Variants in MGAT4C observed in about 807,000 individuals in gnomAD.
MGAT4C encodes the protein MGAT4 family member C.
A neutral mutation model predicts 40.1 loss-of-function variants in MGAT4C; 19 were observed. The ratio of observed to expected loss-of-function variants is 0.47; its 90% CI spans 0.33 to 0.70. The LOEUF (loss-of-function observed/expected upper bound fraction) is 0.70, where lower values mean the gene tolerates loss of function less well. Among genes scored for constraint, MGAT4C ranks in the 30% least tolerant of loss-of-function variants. The pLI, the probability that MGAT4C is intolerant of heterozygous loss-of-function variation, is 0.02. For synonymous variants in MGAT4C, 181 were observed against 187.1 expected (o/e 0.97, Z 0.27); for missense variants, 491 against 563.2 (o/e 0.87, Z 1.30).
In MGAT4C at chr12:85,959,058, A is replaced by G. The variant is rs1359771978; in HGVS notation, c.*20231T>C. ...AATACAATACAATACAATACAATAC[A>G]ATACAATACAATACAATACAATACA... is the stretch of plus-strand genomic sequence containing the variant. On this transcript the variant is annotated 3_prime_UTR_variant, in exon 5 of 5. Transcript: ENST00000611864. The G allele has an allele frequency of 2.0e-5, 3 of 151,878 alleles. No homozygotes were observed. Among genetic ancestry groups the G allele is most frequent in the Non-Finnish European group, 4.4e-5 (3 of 67,946 alleles). 9.4% of individuals were successfully genotyped at this position (151,878 alleles called of 1,614,324 possible). A position where few individuals can be genotyped will look rare whatever the true frequency, so the allele number is the denominator to read the frequency against.
In MGAT4C at chr12:86,703,320, A is replaced by G. The variant is rs7969324; in HGVS notation, c.-229+23889T>C. Among the ~76,000 whole-genome samples, 98 of 152,348 alleles carry G rather than the reference A, an allele frequency of 6.4e-4. 1 individual carries two copies. The highest frequency in any genetic ancestry group is 2.3e-3 in the African/African-American group (94 of 41,592). On this transcript the variant is annotated intron_variant, in intron 2 of 7. Transcript: ENST00000548651. ...GATTGGTTCCAATTTTGAAAGTTCT[A>G]TTGTGGGTAAAATGCTATATAACAT...
At chr12:86,741,721 G>T (rs1269590110) in intron 1 of MGAT4C, among the ~76,000 whole-genome samples, 2 of 151,364 alleles carry the variant, frequency 1.3e-5, no homozygotes, top group Non-Finnish European at 3.0e-5. Context: ...TGTGCACAAT[G>T]ATTCATCTTC....
chr12:86,780,270 A>C (rs12822434), intron 1 of MGAT4C, among the ~76,000 whole-genome samples: 107,909 of 152,040 alleles, frequency 0.71, 40,416 homozygotes, highest in South Asian at 0.84. Flanking sequence ...GTATAAATTT[A>C]AGCGGTACAA....
At chr12:86,182,389 C>T (rs1363864307) in intron 1 of MGAT4C, among the ~76,000 whole-genome samples, 2 of 152,098 alleles carry the variant, frequency 1.3e-5, no homozygotes, top group African/African-American at 4.8e-5. Context: ...ACAAATGCAA[C>T]TGAATTCTTA....
intron 2 of MGAT4C, among the ~76,000 whole-genome samples, chr12:86,609,062 T>G (rs1245773547): frequency 3.3e-5 from 5 of 152,126 alleles, no homozygotes; most frequent in African/African-American, 9.7e-5. Flanking sequence ...ATTGTAGGCA[T>G]GCTAAAAATG....
chr12:86,446,658 CATAT>C (rs34157468), intron 2 of MGAT4C, among the ~76,000 whole-genome samples: 3,960 of 34,754 alleles, frequency 0.11, 81 homozygotes, highest in Non-Finnish European at 0.15. Flanking sequence ...TCATGTAACT[CATAT>C]ATATATATAT....
chr12:86,060,683 A>C (rs577781550), intron 1 of MGAT4C, among the ~76,000 whole-genome samples: 1 of 152,348 alleles, frequency 6.6e-6, no homozygotes, highest in East Asian at 1.9e-4. Flanking sequence ...AATAAATAGA[A>C]ACATTTATTG....
chr12:86,511,936 CAATT>C (rs1202728367), intron 2 of MGAT4C, among the ~76,000 whole-genome samples: 3 of 151,900 alleles, frequency 2.0e-5, no homozygotes, highest in Non-Finnish European at 4.4e-5. Flanking sequence ...GCAAAGGAAA[CAATT>C]AATAGATTGA....
intron 2 of MGAT4C, among the ~76,000 whole-genome samples, chr12:86,642,096 C>A (rs1963408016): frequency 6.6e-6 from 1 of 151,712 alleles, no homozygotes; most frequent in Non-Finnish European, 1.5e-5. Context: ...GTAGTTGTGG[C>A]ATTATTGTTC....
intron 1 of MGAT4C, among the ~76,000 whole-genome samples, chr12:86,789,295 G>A (rs925623057): frequency 6.6e-6 from 1 of 151,994 alleles, no homozygotes; most frequent in Non-Finnish European, 1.5e-5. Context: ...TATATGAACA[G>A]GCTGTGTAAT....
Position 86,052,348 on chromosome 12 carries a change from A to G in MGAT4C, c.-56-2625T>C, listed in dbSNP as rs139833011. On this transcript the variant is annotated intron_variant, in intron 1 of 4. Coordinates refer to ENST00000611864, the MANE Select transcript of MGAT4C (RefSeq NM_001351288.2). ...ATTGTTGATTTGTAATGGTTACAGA[A>G]AAGTTTTCAAGATAACAAAACCTAA... 3.5e-3 allele frequency among the ~76,000 whole-genome samples: 539 copies of G among 152,030 alleles called. 3 individuals carry two copies. Among genetic ancestry groups the G allele is most frequent in the African/African-American group, 0.012 (517 of 41,540 alleles).
Position 86,507,963 on chromosome 12 carries a change from T to TA in MGAT4C, c.-228-72699dup, listed in dbSNP as rs534425463. Among the ~76,000 whole-genome samples the TA allele has an allele frequency of 4.4e-4, 67 of 152,238 alleles. 1 individual carries two copies. The South Asian group carries it at 0.014, about 31-fold the overall frequency. On this transcript the variant is annotated intron_variant, in intron 2 of 7. Transcript: ENST00000548651. ...GTAGAAAATGTCATTGACATTGTGA[T>TA]AGAGATTACAATGGATTTGTAGACT...
chr12:86,721,052 A>T (rs1296308416), intron 2 of MGAT4C, among the ~76,000 whole-genome samples: 2 of 152,144 alleles, frequency 1.3e-5, no homozygotes, highest in African/African-American at 4.8e-5. Flanking sequence ...CCAATCAAGA[A>T]TCTCATATGT....
chr12:86,190,285 C>A (rs1889235755), intron 1 of MGAT4C, among the ~76,000 whole-genome samples: 1 of 151,948 alleles, frequency 6.6e-6, no homozygotes, highest in African/African-American at 2.4e-5. Context: ...TTTAAAAAAT[C>A]AATTAGAAAG....
rs1210645588 is a variant in MGAT4C at position 86,685,863 on chromosome 12, A to AT, written c.-229+41345dup. On this transcript the variant is annotated intron_variant, in intron 2 of 7. Coordinates refer to the MGAT4C transcript ENST00000548651. ...TTATTGGTGTATAGGAATGCTTGTG[A>AT]TTTTTTTTTTTTTTTTGGAGACAGA... 5.2e-3 allele frequency among the ~76,000 whole-genome samples: 711 copies of AT among 136,524 alleles called. 3 individuals are homozygous for AT. The highest frequency in any genetic ancestry group is 0.019 in the Middle Eastern group (5 of 266). The allele number at this position is 136,524 out of a possible 152,430, so 89.6% of individuals were successfully genotyped here. A position where few individuals can be genotyped will look rare whatever the true frequency, so the allele number is the denominator to read the frequency against.
chr12:86,457,185 CT>C (rs1957523664), intron 2 of MGAT4C, among the ~76,000 whole-genome samples: 1 of 151,920 alleles, frequency 6.6e-6, no homozygotes, highest in African/African-American at 2.4e-5. Flanking sequence ...ATATATCATC[CT>C]TTTTATTATA....
At chr12:86,295,402 G>A (rs745624744) in intron 4 of MGAT4C, among the ~76,000 whole-genome samples, 2 of 152,166 alleles carry the variant, frequency 1.3e-5, no homozygotes, top group Non-Finnish European at 2.9e-5. Flanking sequence ...TTAAGGCAGC[G>A]CGTCTGGAGT....
chr12:86,418,662 G>T (rs1327895949), intron 3 of MGAT4C, among the ~76,000 whole-genome samples: 1 of 151,804 alleles, frequency 6.6e-6, no homozygotes, highest in Non-Finnish European at 1.5e-5. Context: ...TGTTGAAAAA[G>T]TGAATAAGTG....
At chr12:86,219,476 A>G (rs1566167142) in intron 1 of MGAT4C, among the ~76,000 whole-genome samples, 1 of 152,236 alleles carries the variant, frequency 6.6e-6, no homozygotes, top group East Asian at 1.9e-4. Context: ...GGATCATTTG[A>G]ACACTTACAG....
Sources: gnomAD v4.1 joint callset for allele counts (sites outside exome capture counted in the v4.1 genomes callset) on GRCh38, gnomAD v4.1.1 for gene constraint, MANE v1.5 for transcripts, NCBI Gene and HGNC (gene_info 2026-07-23, HGNC 2026-07-21) for gene names.